Variants in LGR6 observed in about 807,000 individuals in gnomAD.
The protein encoded by LGR6 is leucine-rich repeat-containing G protein-coupled receptor 6.
LGR6 carries 45 observed loss-of-function variants against 69.4 expected under a neutral mutation model. That is an observed-to-expected ratio of 0.65 (90% CI 0.51 to 0.83). The LOEUF is 0.83. LGR6 is among the 40% of genes least tolerant of loss of function. The probability of loss-of-function intolerance (pLI) is 0.00; values close to 1 mark genes in which losing one functional copy is unlikely to be tolerated. For synonymous variants in LGR6, 538 were observed against 555.0 expected (o/e 0.97, Z 0.43); for missense variants, 1,108 against 1,246.7 (o/e 0.89, Z 1.68).
chr1:202,247,336 T>G (rs1484572660), intron 4 of LGR6, among the ~76,000 whole-genome samples: 1 of 152,204 alleles, frequency 6.6e-6, no homozygotes, highest in Non-Finnish European at 1.5e-5. Flanking sequence ...GGGATTAGTA[T>G]GCAATTCAAA....
Position 202,303,326 on chromosome 1 carries a change from G to A in LGR6, c.977G>A (p.Gly326Asp), listed in dbSNP as rs146490901. Residue 326 changes from glycine to aspartate, a missense_variant, in exon 10 of 18, where the codon GGC (glycine) becomes GAC (aspartate). Coordinates refer to ENST00000367278, the MANE Select transcript of LGR6 (RefSeq NM_001017403.2). The stretch of plus-strand genomic sequence containing the variant: ...ATCCAGGAGTTTCCAGATCTCAAAG[G>A]CACCACCAGCCTGGAGATCCTGTGA... ...MDIQEFPDLK[G>D]TTSLEILTLT... 1,552 of 1,613,660 alleles carry A rather than the reference G, an allele frequency of 9.6e-4. No homozygotes were observed. The highest frequency in any genetic ancestry group is 1.2e-3 in the Non-Finnish European group (1,472 of 1,179,730).
rs1428205931 is a variant in LGR6 at position 202,204,263 on chromosome 1, A to AAC, written c.212+10073_212+10074dup. Among the ~76,000 whole-genome samples, 422 of 131,426 alleles carry AAC rather than the reference A, an allele frequency of 3.2e-3. 4 individuals carry two copies. Among genetic ancestry groups the AAC allele is most frequent in the African/African-American group, 0.012 (401 of 34,866 alleles). The allele number at this position is 131,426 out of a possible 152,430, so 86.2% of individuals were successfully genotyped here. On this transcript the variant is annotated intron_variant, in intron 1 of 17. Transcript: ENST00000367278. ...CACACACCTCCACACACAACCTCCA[A>AAC]ACACACACACACCTCCAAACACACA...
chr1:202,264,813 T>A (rs896148180), intron 4 of LGR6, among the ~76,000 whole-genome samples: 1 of 152,084 alleles, frequency 6.6e-6, no homozygotes, highest in African/African-American at 2.4e-5. Flanking sequence ...TCAGGTATCA[T>A]CCTTTGATGT....
Position 202,319,000 on chromosome 1 carries a change from G to A in LGR6, c.2697G>A (p.Val899=). The A allele has an allele frequency of 6.2e-7, 1 of 1,613,854 alleles. No individual in the cohort carries two copies. Among genetic ancestry groups the A allele is most frequent in the Non-Finnish European group, 8.5e-7 (1 of 1,179,888 alleles). Residue 899 remains valine (V), a synonymous_variant, in exon 18 of 18, where the codon GTG becomes GTA. Coordinates refer to ENST00000367278, the MANE Select transcript of LGR6 (RefSeq NM_001017403.2). ...PGLETYGFPS[V]TLISCQQPGA... is the part of the protein sequence containing the mutation. Reference sequence around the variant, plus strand: ...TGGAGACCTATGGCTTCCCCTCAGTGACCCTCATCTCCTGTCAGCAGCCAG... The same window carrying A: ...TGGAGACCTATGGCTTCCCCTCAGTAACCCTCATCTCCTGTCAGCAGCCAG...
chr1:202,214,996 T>G (rs1029226811), intron 1 of LGR6, among the ~76,000 whole-genome samples: 2 of 146,114 alleles, frequency 1.4e-5, no homozygotes, highest in Admixed American at 1.4e-4. Flanking sequence ...CCTGGGTGTG[T>G]GTGTGTGTGT....
At chr1:202,290,661 T>A (rs960831064) in intron 6 of LGR6, among the ~76,000 whole-genome samples, 2 of 152,004 alleles carry the variant, frequency 1.3e-5, no homozygotes, top group African/African-American at 4.8e-5. Flanking sequence ...TCGCCTGAGG[T>A]CAGGAGTTCA....
In LGR6 at chr1:202,268,456, C is replaced by CTT. The variant is rs375066995; in HGVS notation, c.429-7838_429-7837dup. The stretch of plus-strand genomic sequence containing the variant: ...AGAATAACCATTTCCATAGTGGCTG[C>CTT]TTTTTTTTTTTTTAACTTTTAATAT... On this transcript the variant is annotated intron_variant, in intron 4 of 17. Transcript: ENST00000367278. This position sits in a 1 kb window ranked among gnomAD's most constrained non-coding sequence, Gnocchi z 4.4. Among the ~76,000 whole-genome samples, 3 of 145,390 alleles carry CTT rather than the reference C, an allele frequency of 2.1e-5. No homozygotes were observed. Among genetic ancestry groups the CTT allele is most frequent in the Non-Finnish European group, 3.0e-5 (2 of 65,816 alleles).
At chr1:202,274,283 A>G (rs552053641) in intron 4 of LGR6, among the ~76,000 whole-genome samples, 2 of 152,300 alleles carry the variant, frequency 1.3e-5, no homozygotes, top group South Asian at 4.2e-4. Flanking sequence ...AAAAACATTG[A>G]GTGCCATCTG....
At chr1:202,234,665 T>C (rs548634574) in intron 3 of LGR6, among the ~76,000 whole-genome samples, 1 of 152,336 alleles carries the variant, frequency 6.6e-6, no homozygotes, top group South Asian at 2.1e-4. Flanking sequence ...ATGAGGATGA[T>C]AATAATCCCT....
rs538760207 is a variant in LGR6, at chr1:202,266,625, C to T, written c.429-9681C>T. On this transcript the variant is annotated intron_variant, in intron 4 of 17. Coordinates refer to ENST00000367278, the MANE Select transcript of LGR6 (RefSeq NM_001017403.2). ...CTCACTCCCTGCGTCACCCAGGACC[C>T]TCTGCTCAGCACAGATGAGTTGTTC... is the stretch of plus-strand genomic sequence containing the variant. Among the ~76,000 whole-genome samples, 40 of 152,282 alleles carry T rather than the reference C, an allele frequency of 2.6e-4. No homozygotes were observed. In the South Asian group the frequency reaches 7.7e-3, roughly 29 times the overall value.
intron 4 of LGR6, among the ~76,000 whole-genome samples, chr1:202,254,646 A>G (rs1558039476): frequency 6.6e-6 from 1 of 152,226 alleles, no homozygotes; most frequent in Admixed American, 6.5e-5. Context: ...CAAATAGTAC[A>G]TGCTAGAATA....
chr1:202,203,878 G>T, intron 1 of LGR6: 1 of 1,611,570 alleles, frequency 6.2e-7, no homozygotes, highest in South Asian at 1.1e-5. Context: ...TCTGCCCGGT[G>T]AGTTGTTGCA....
chr1:202,282,977 A>G (rs934081283), intron 6 of LGR6, among the ~76,000 whole-genome samples: 11 of 152,252 alleles, frequency 7.2e-5, no homozygotes, highest in Admixed American at 4.6e-4. Context: ...CCTGGGGTAC[A>G]GTGCCACTTC....
intron 4 of LGR6, chr1:202,236,357 G>C: frequency 3.4e-6 from 1 of 294,372 alleles, no homozygotes; most frequent in East Asian, 8.4e-5. Context: ...CATCAGGAAG[G>C]GGTTGTCTCC....
intron 1 of LGR6, among the ~76,000 whole-genome samples, chr1:202,200,153 C>T (rs1386780085): frequency 1.3e-5 from 2 of 152,178 alleles, no homozygotes; most frequent in Admixed American, 6.5e-5. Context: ...GCTCCTGGGC[C>T]GGGATGGTGG....
intron 14 of LGR6, 78 bp from the exon 15 acceptor site, chr1:202,308,973 T>C: frequency 1.3e-6 from 2 of 1,554,774 alleles, no homozygotes; most frequent in East Asian, 4.5e-5. Context: ...CCAGGCACAC[T>C]GGCCACATTC....
intron 4 of LGR6, among the ~76,000 whole-genome samples, chr1:202,237,998 A>G (rs1202790733): frequency 1.3e-5 from 2 of 151,630 alleles, no homozygotes; most frequent in Admixed American, 6.6e-5. Context: ...AAAAAAAAAA[A>G]GACTTCACAC....
chr1:202,226,506 A>C (rs567597481), intron 2 of LGR6, among the ~76,000 whole-genome samples: 29 of 152,004 alleles, frequency 1.9e-4, no homozygotes, highest in Non-Finnish European at 4.0e-4. Flanking sequence ...TGCCACCGTG[A>C]CCCTAGACAG....
intron 10 of LGR6, 55 bp from the exon 11 acceptor site, chr1:202,304,504 T>A: frequency 7.4e-7 from 1 of 1,342,600 alleles, no homozygotes; most frequent in Non-Finnish European, 1.1e-6. Context: ...GCGGGGTGGC[T>A]GGGAATGGCA....
Sources: allele counts gnomAD v4.1 joint callset (sites outside exome capture counted in the v4.1 genomes callset), GRCh38; gene constraint gnomAD v4.1.1; non-coding constraint Gnocchi (gnomAD v3.1); transcripts MANE v1.5; gene names NCBI Gene and HGNC (gene_info 2026-07-23, HGNC 2026-07-21).